The following GRM8 variants were observed in gnomAD, a reference collection of about 807,000 sequenced individuals.
GRM8 encodes metabotropic glutamate receptor 8.
GRM8 carries 47 observed loss-of-function variants against 87.2 expected under a neutral mutation model. The observed-to-expected ratio is 0.54, with a 90% CI of 0.43 to 0.69. GRM8 has a LOEUF of 0.69. GRM8 is among the 30% of genes least tolerant of loss of function. GRM8 has a pLI of 0.00. For synonymous variants in GRM8, 396 were observed against 404.5 expected (o/e 0.98, Z 0.25); for missense variants, 1,019 against 1,139.2 (o/e 0.89, Z 1.52).
intron 3 of GRM8, among the ~76,000 whole-genome samples, chr7:127,017,645 G>C (rs17861386): frequency 2.3e-4 from 35 of 152,142 alleles, no homozygotes; most frequent in Admixed American, 1.4e-3. Flanking sequence ...GGAACTTCTT[G>C]AGTGTGGGGT....
chr7:127,099,762 T>C (rs1587000427), intron 3 of GRM8, among the ~76,000 whole-genome samples: 2 of 152,212 alleles, frequency 1.3e-5, no homozygotes, highest in Admixed American at 1.3e-4. Context: ...CTTCTGAGTA[T>C]ACCCTTCTTC....
chr7:127,163,023 A>G (rs920079847), intron 2 of GRM8, among the ~76,000 whole-genome samples: 1 of 152,188 alleles, frequency 6.6e-6, no homozygotes, highest in African/African-American at 2.4e-5. Context: ...TCTGGGGTAC[A>G]GTGTGGTAAA....
intron 3 of GRM8, among the ~76,000 whole-genome samples, chr7:127,003,128 C>A (rs1190556840): frequency 6.6e-6 from 1 of 151,704 alleles, no homozygotes; most frequent in African/African-American, 2.4e-5. Context: ...AGATAACAAC[C>A]AAATACATAA....
intron 6 of GRM8, among the ~76,000 whole-genome samples, chr7:126,812,742 C>T (rs886101301): frequency 7.9e-5 from 12 of 151,926 alleles, no homozygotes; most frequent in African/African-American, 2.4e-4. Context: ...GGTGGCAGAA[C>T]GTATTATGCT....
At chr7:126,707,564 G>T (rs1020014138) in intron 7 of GRM8, among the ~76,000 whole-genome samples, 1 of 152,024 alleles carries the variant, frequency 6.6e-6, no homozygotes, top group Non-Finnish European at 1.5e-5. Context: ...GAGTTTCAAC[G>T]CATTAAAGGT....
Position 126,738,213 on chromosome 7 carries a change from G to T in GRM8, c.1357+31652C>A, listed in dbSNP as rs151218486. On this transcript the variant is annotated intron_variant, in intron 7 of 10. Transcript: ENST00000339582. ...GTATGATGTGTTAAGCCAAGGAGTT[G>T]AGGCAGGATGCTGAAAGCTGCAGGG... is the stretch of plus-strand genomic sequence containing the variant. 6.6e-5 allele frequency among the ~76,000 whole-genome samples: 10 copies of T among 152,148 alleles called. No homozygotes were observed. In the East Asian group the frequency reaches 1.9e-3, roughly 30 times the overall value.
chr7:126,512,070 A>G (rs1811459658), intron 9 of GRM8: 1 of 152,082 alleles, frequency 6.6e-6, no homozygotes, highest in Non-Finnish European at 1.5e-5. Context: ...CTGCTTATAG[A>G]TTAATAACCA....
intron 6 of GRM8, among the ~76,000 whole-genome samples, chr7:126,838,263 C>G (rs1795976816): frequency 1.3e-5 from 2 of 152,058 alleles, no homozygotes; most frequent in Non-Finnish European, 2.9e-5. Flanking sequence ...AAAAAAAAGA[C>G]TCAAGAAAAA....
At chr7:126,962,591 T>A (rs1809430459) in intron 3 of GRM8, among the ~76,000 whole-genome samples, 1 of 152,254 alleles carries the variant, frequency 6.6e-6, no homozygotes, top group South Asian at 2.1e-4. Flanking sequence ...GAGTAGAATA[T>A]AATGCACCTT....
At chr7:127,002,623 A>G (rs547349446) in intron 3 of GRM8, among the ~76,000 whole-genome samples, 1 of 151,670 alleles carries the variant, frequency 6.6e-6, no homozygotes, top group East Asian at 1.9e-4. Flanking sequence ...TGATAATAAG[A>G]TTTTGTGCAT....
intron 9 of GRM8, among the ~76,000 whole-genome samples, chr7:126,498,698 C>A (rs998069117): frequency 6.6e-6 from 1 of 151,884 alleles, no homozygotes; most frequent in Non-Finnish European, 1.5e-5. Context: ...TCACTTTTTC[C>A]ACCTTACTTC....
chr7:126,866,979 A>G (rs1798654053), intron 6 of GRM8, among the ~76,000 whole-genome samples: 1 of 152,116 alleles, frequency 6.6e-6, no homozygotes, highest in South Asian at 2.1e-4. Context: ...AAGATCTGAC[A>G]AGAAAATGAC....
chr7:126,828,467 C>G (rs894667042), intron 6 of GRM8, among the ~76,000 whole-genome samples: 1 of 152,108 alleles, frequency 6.6e-6, no homozygotes, highest in African/African-American at 2.4e-5. Context: ...AGGAATTTAT[C>G]CATTTCTTCT....
Position 126,439,137 on chromosome 7 carries a change from G to A in GRM8, c.2709C>T (p.Tyr903=). The A allele has an allele frequency of 5.1e-6, 8 of 1,571,736 alleles. No individual in the cohort carries two copies. The highest frequency in any genetic ancestry group is 2.2e-5 in the South Asian group (2 of 90,222). The change falls in exon 11 of 11, where the codon TAC becomes TAT. Residue 903 remains tyrosine, a synonymous_variant. Transcript: ENST00000339582. ...TSSTKTTYIS[Y]SNHSI is the part of the protein sequence containing the mutation. ...CCCTGTTTCAGATTGAATGATTGCT[G>A]TAACTGATATATGTTGTCTTGGTAG...
intron 3 of GRM8, among the ~76,000 whole-genome samples, chr7:127,032,904 G>A (rs1482554318): frequency 1.3e-5 from 2 of 151,558 alleles, no homozygotes; most frequent in Non-Finnish European, 2.9e-5. Context: ...ATCTTTTGCT[G>A]TACAATCTAG....
intron 2 of GRM8, among the ~76,000 whole-genome samples, chr7:127,227,507 G>A (rs1282387789): frequency 6.6e-6 from 1 of 152,150 alleles, no homozygotes; most frequent in East Asian, 1.9e-4. Context: ...GATCTCATGT[G>A]TTCAGGAAAT....
intron 6 of GRM8, among the ~76,000 whole-genome samples, chr7:126,841,842 C>T (rs1024463011): frequency 2.0e-5 from 3 of 151,818 alleles, no homozygotes; most frequent in African/African-American, 7.3e-5. Context: ...CCGTGATAGC[C>T]AGGATGGTCT....
At chr7:126,660,911 A>G (rs1409133355) in intron 7 of GRM8, among the ~76,000 whole-genome samples, 1 of 152,212 alleles carries the variant, frequency 6.6e-6, no homozygotes, top group Non-Finnish European at 1.5e-5. Context: ...TAAAGTATAA[A>G]TGTATAAGGG....
At chr7:126,987,715 G>A (rs919869942) in intron 3 of GRM8, among the ~76,000 whole-genome samples, 6 of 151,898 alleles carry the variant, frequency 4.0e-5, no homozygotes, top group African/African-American at 1.5e-4. Context: ...CGCCCGCCTC[G>A]GCCTCCCAAA....
Sources: allele counts gnomAD v4.1 joint callset (sites outside exome capture counted in the v4.1 genomes callset), GRCh38; gene constraint gnomAD v4.1.1; transcripts MANE v1.5; gene names NCBI Gene and HGNC (gene_info 2026-07-23, HGNC 2026-07-21).